The following ADAM22 variants were observed in gnomAD, a reference collection of about 807,000 sequenced individuals.
ADAM22 encodes ADAM metallopeptidase domain 22, also known as disintegrin and metalloproteinase domain-containing protein 22.
ADAM22 carries 65 observed loss-of-function variants against 144.6 expected under a neutral mutation model. The observed-to-expected ratio is 0.45, with a 90% CI of 0.37 to 0.55. The LOEUF is 0.55. Among genes scored for constraint, ADAM22 ranks in the 20% least tolerant of loss-of-function variants. The probability of loss-of-function intolerance (pLI) is 0.00; values close to 1 mark genes in which losing one functional copy is unlikely to be tolerated. For missense variants in ADAM22, 974 were observed against 1,184.9 expected (o/e 0.82, Z 2.61); for synonymous variants, 391 against 412.6 (o/e 0.95, Z 0.63).
chr7:87,987,953 C>T (rs879387678), intron 3 of ADAM22, among the ~76,000 whole-genome samples: 1 of 152,102 alleles, frequency 6.6e-6, no homozygotes, highest in Non-Finnish European at 1.5e-5. Flanking sequence ...TTAACTATAA[C>T]CATTCTCAGA....
chr7:88,128,120 G>A (rs1830885152), intron 8 of ADAM22, among the ~76,000 whole-genome samples: 1 of 151,966 alleles, frequency 6.6e-6, no homozygotes, highest in Non-Finnish European at 1.5e-5. Context: ...AATCACTCCA[G>A]TCCCTGTACC....
intron 3 of ADAM22, among the ~76,000 whole-genome samples, chr7:88,026,509 T>G (rs754193151): frequency 3.3e-5 from 5 of 152,218 alleles, no homozygotes; most frequent in Non-Finnish European, 7.3e-5. Flanking sequence ...TGACATGAGA[T>G]TTGAGTGGAG....
chr7:88,163,245 A>C, intron 23 of ADAM22, 65 bp downstream of exon 23: 1 of 1,326,982 alleles, frequency 7.5e-7, no homozygotes, highest in South Asian at 1.8e-5. Flanking sequence ...AGGACCCTAA[A>C]CTATTTATTT....
At chr7:88,124,931 A>G (rs982038560) in intron 7 of ADAM22, among the ~76,000 whole-genome samples, 12 of 151,962 alleles carry the variant, frequency 7.9e-5, no homozygotes, top group African/African-American at 2.7e-4. Context: ...AGGTTGCTCA[A>G]CCATCAAAGT....
intron 22 of ADAM22, among the ~76,000 whole-genome samples, chr7:88,162,005 C>T (rs1372577360): frequency 3.9e-5 from 6 of 151,900 alleles, no homozygotes; most frequent in Non-Finnish European, 7.4e-5. Flanking sequence ...CACAGGCACA[C>T]GTATGTTCAT....
chr7:88,119,275 T>C (rs1252682238), intron 7 of ADAM22, among the ~76,000 whole-genome samples: 3 of 152,248 alleles, frequency 2.0e-5, no homozygotes, highest in African/African-American at 7.2e-5. Flanking sequence ...AGATAGAGCA[T>C]GTCCATTACC....
intron 3 of ADAM22, among the ~76,000 whole-genome samples, chr7:88,056,267 A>G (rs117843974): frequency 4.0e-3 from 610 of 152,240 alleles, no homozygotes; most frequent in Non-Finnish European, 6.3e-3. Context: ...TGCCTAATTC[A>G]TTTAATACTG....
intron 3 of ADAM22, among the ~76,000 whole-genome samples, chr7:88,025,127 A>G (rs941458497): frequency 6.6e-6 from 1 of 152,182 alleles, no homozygotes; most frequent in African/African-American, 2.4e-5. Flanking sequence ...GAATTGCCAC[A>G]CTGACTTCCA....
At chr7:88,046,642 A>G (rs759809736) in intron 3 of ADAM22, among the ~76,000 whole-genome samples, 11 of 152,188 alleles carry the variant, frequency 7.2e-5, no homozygotes, top group Admixed American at 2.0e-4. Context: ...ATTATTGCCC[A>G]GAGCAATATC....
intron 4 of ADAM22, among the ~76,000 whole-genome samples, chr7:88,085,123 T>C (rs1352593913): frequency 6.6e-6 from 1 of 152,186 alleles, no homozygotes; most frequent in African/African-American, 2.4e-5. Flanking sequence ...CATATGCATT[T>C]TGGGGGAACA....
At chr7:88,106,514 T>C (rs958680890) in intron 4 of ADAM22, among the ~76,000 whole-genome samples, 2 of 152,186 alleles carry the variant, frequency 1.3e-5, no homozygotes, top group East Asian at 3.9e-4. Flanking sequence ...TTTTAAGTAG[T>C]GTCAGTCCTT....
chr7:88,083,648 T>G (rs1459398251), intron 4 of ADAM22, among the ~76,000 whole-genome samples: 1 of 149,130 alleles, frequency 6.7e-6, no homozygotes, highest in Admixed American at 6.7e-5. Context: ...TGTAGTATTT[T>G]AAAGCAAATT....
At chr7:87,936,121 G>A (rs1841197940) in intron 2 of ADAM22, among the ~76,000 whole-genome samples, 1 of 151,612 alleles carries the variant, frequency 6.6e-6, no homozygotes, top group Admixed American at 6.5e-5. Context: ...TCTTGATGAT[G>A]TGATAATTAT....
At chr7:87,977,069 T>C (rs985939009) in intron 2 of ADAM22, among the ~76,000 whole-genome samples, 1 of 152,096 alleles carries the variant, frequency 6.6e-6, no homozygotes, top group African/African-American at 2.4e-5. Context: ...TTAAGAGTTA[T>C]AGTTGAATGG....
intron 3 of ADAM22, among the ~76,000 whole-genome samples, chr7:88,058,246 C>T (rs1160517188): frequency 6.6e-6 from 1 of 152,136 alleles, no homozygotes; most frequent in Admixed American, 6.5e-5. Flanking sequence ...CCTCAGAAAA[C>T]TGGGTGGTAT....
intron 4 of ADAM22, among the ~76,000 whole-genome samples, chr7:88,079,846 G>T (rs1443964583): frequency 2.0e-5 from 3 of 152,148 alleles, no homozygotes; most frequent in Non-Finnish European, 4.4e-5. Context: ...GATGCATAAA[G>T]CAAGTCCTGA....
intron 3 of ADAM22, among the ~76,000 whole-genome samples, chr7:88,030,836 G>A (rs182861768): frequency 6.5e-4 from 99 of 152,290 alleles, no homozygotes; most frequent in Non-Finnish European, 1.2e-3. Context: ...TCTTCTCTCG[G>A]CCGGGCACGG....
intron 2 of ADAM22, among the ~76,000 whole-genome samples, chr7:87,948,719 G>A (rs988017608): frequency 6.6e-6 from 1 of 152,152 alleles, no homozygotes; most frequent in African/African-American, 2.4e-5. Flanking sequence ...AGTAAAATTT[G>A]CCTCATAGGC....
chr7:88,158,047 G>A (rs1351709860), intron 22 of ADAM22, among the ~76,000 whole-genome samples: 1 of 152,080 alleles, frequency 6.6e-6, no homozygotes, highest in Non-Finnish European at 1.5e-5. Context: ...AAAATGAAAG[G>A]ATGTGGGAAA....
Sources: allele counts gnomAD v4.1 joint callset (sites outside exome capture counted in the v4.1 genomes callset), GRCh38; gene constraint gnomAD v4.1.1; transcripts MANE v1.5; gene names NCBI Gene and HGNC (gene_info 2026-07-23, HGNC 2026-07-21).